ATM: variants seen among roughly 807,000 people sequenced by gnomAD.
The protein encoded by ATM is serine-protein kinase ATM.
ATM carries 308 observed loss-of-function variants against 387.0 expected under a neutral mutation model. The observed-to-expected ratio is 0.80, with a 90% confidence interval of 0.73 to 0.87. The LOEUF is 0.87. Ranked by LOEUF, ATM falls within the 40% of genes least tolerant of loss-of-function variation. The probability of loss-of-function intolerance (pLI) is 0.00; values close to 1 mark genes in which losing one functional copy is unlikely to be tolerated. For synonymous variants in ATM, 1,156 were observed against 1,187.3 expected (o/e 0.97, Z 0.54); for missense variants, 3,312 against 3,560.9 (o/e 0.93, Z 1.78).
At chr11:108,234,443 A>G (rs532880087) in intron 4 of ATM, among the ~76,000 whole-genome samples, 1 of 152,342 alleles carries the variant, frequency 6.6e-6, no homozygotes, top group East Asian at 1.9e-4. Context: ...TGATAATTAA[A>G]TTATTTTTAA....
chr11:108,368,961 A>G lies in ATM; in HGVS notation c.*3453A>G. 5.3e-6 allele frequency: 1 copy of G among 189,190 alleles called. No homozygotes were observed. The highest frequency in any genetic ancestry group is 1.1e-5 in the Non-Finnish European group (1 of 89,970). The allele number at this position is 189,190 out of a possible 1,614,324, so 11.7% of individuals were successfully genotyped here. A position where few individuals can be genotyped will look rare whatever the true frequency, so the allele number is the denominator to read the frequency against. Reference sequence around the variant, plus strand: ...CAGTATATTGGTTTGAAATATAGAGATGTGTCCCAATTTCAAGTATTTTAA... The same window carrying G: ...CAGTATATTGGTTTGAAATATAGAGGTGTGTCCCAATTTCAAGTATTTTAA... On this transcript the variant is annotated 3_prime_UTR_variant, in exon 63 of 63. Transcript: ENST00000675843.
chr11:108,361,621 C>T (rs919654323), intron 61 of ATM, among the ~76,000 whole-genome samples: 1 of 151,570 alleles, frequency 6.6e-6, no homozygotes, highest in African/African-American at 2.4e-5. Context: ...TGGAACAGAA[C>T]AGAGCCCTTA....
rs777164914 is a variant in ATM at position 108,326,147 on chromosome 11, C to T, written c.6897C>T (p.Phe2299=). Residue 2299 remains phenylalanine, a synonymous_variant, in exon 47 of 63, where the codon TTC becomes TTT. Coordinates refer to ENST00000675843, the MANE Select transcript of ATM (RefSeq NM_000051.4). ...SEWQLEEAQV[F]WAKKEQSLAL... ...GGCAGCTGGAAGAAGCACAAGTATTCTGGGCAAAAAAGGAGCAGAGTCTTG... is the reference window on the plus strand; with the variant it reads ...GGCAGCTGGAAGAAGCACAAGTATTTTGGGCAAAAAAGGAGCAGAGTCTTG... The T allele has an allele frequency of 2.0e-5, 33 of 1,613,946 alleles. No individual in the cohort carries two copies. The highest frequency in any genetic ancestry group is 2.7e-5 in the Non-Finnish European group (32 of 1,180,008).
At position 108,293,477 on chromosome 11, in the gene ATM, G is replaced by C. The variant is rs786202973; in HGVS notation, c.4776G>C (p.Glu1592Asp). The C allele has an allele frequency of 6.2e-7, 1 of 1,608,678 alleles. No individual in the cohort carries two copies. Among genetic ancestry groups the C allele is most frequent in the Non-Finnish European group, 8.5e-7 (1 of 1,176,144 alleles). Residue 1592 changes from glutamate to aspartate, a missense_variant and splice_region_variant, in exon 31 of 63, where the codon GAG (glutamate) becomes GAC (aspartate). This residue lies in a region of ATM where 1,405 missense variants were observed against 1,604.4 expected (regional missense o/e 0.88). Transcript: ENST00000675843. ...GTAGAGGACCCTTTTCACTCTTGGA[G>C]GTAATAAAAATTTCATCATCTACTA... is the stretch of plus-strand genomic sequence containing the variant. ...KYSRGPFSLLEEINHFLSVSV... is the reference protein window; with the variant it reads ...KYSRGPFSLLDEINHFLSVSV...
chr11:108,292,455 T>C (rs2082847020), intron 29 of ATM, among the ~76,000 whole-genome samples, 164 bp from the exon 30 acceptor site: 2 of 152,252 alleles, frequency 1.3e-5, no homozygotes, highest in Non-Finnish European at 2.9e-5. Context: ...ATTCTGCATT[T>C]TGCTGATGTG....
At chr11:108,256,009 A>G (rs1727829947) in intron 13 of ATM, among the ~76,000 whole-genome samples, 1 of 152,162 alleles carries the variant, frequency 6.6e-6, no homozygotes, top group Admixed American at 6.5e-5. Context: ...ATCAGGAGAT[A>G]CTTAGGCTAT....
chr11:108,279,635 G>A (rs1002487196), intron 23 of ATM, 27 bp downstream of exon 23: 4 of 1,514,226 alleles, frequency 2.6e-6, no homozygotes, highest in Non-Finnish European at 2.8e-6. Flanking sequence ...TGTATTTGCT[G>A]TTATCATATG....
In ATM at chr11:108,287,599, G is replaced by T. The variant is rs1057516238; in HGVS notation, c.3994-1G>T. 2 of 1,596,392 alleles carry T rather than the reference G, an allele frequency of 1.3e-6. No homozygotes were observed. The highest frequency in any genetic ancestry group is 1.7e-6 in the Non-Finnish European group (2 of 1,164,692). On this transcript the variant is annotated splice_acceptor_variant, in intron 26 of 62. Transcript: ENST00000675843. LOFTEE classifies it high-confidence loss of function. ...TATATTTTAATTTTGTGCCCTTGCA[G>T]ATTGATCACTTATTCATTAGTAATT...
At chr11:108,361,406 C>G (rs1591363594) in intron 61 of ATM, among the ~76,000 whole-genome samples, 1 of 151,780 alleles carries the variant, frequency 6.6e-6, no homozygotes, top group East Asian at 1.9e-4. Flanking sequence ...GCATCCCCAT[C>G]AAGCTACCAA....
In ATM at chr11:108,357,878, C is replaced by A. The variant is rs200143719; in HGVS notation, c.8850+3004C>A. The stretch of plus-strand genomic sequence containing the variant: ...AACAGAAAAACTGGAAACTCTAAAA[C>A]GCAGAGCACCTCTCCTCCTCCAAAG... On this transcript the variant is annotated intron_variant, in intron 61 of 62. Transcript: ENST00000675843. 2.3e-4 allele frequency among the ~76,000 whole-genome samples: 35 copies of A among 151,212 alleles called. No homozygotes were observed. In the East Asian group the frequency reaches 6.1e-3, roughly 26 times the overall value.
intron 40 of ATM, 73 bp from the exon 41 acceptor site, chr11:108,315,750 C>A: frequency 2.6e-6 from 3 of 1,140,828 alleles, no homozygotes; most frequent in South Asian, 2.5e-5. Flanking sequence ...GGTAATGATA[C>A]AATTTAAAAT....
intron 8 of ATM, among the ~76,000 whole-genome samples, chr11:108,247,391 C>T (rs1591512572): frequency 6.6e-6 from 1 of 152,166 alleles, no homozygotes; most frequent in East Asian, 1.9e-4. Flanking sequence ...GACCCTAACC[C>T]TAATGATTCG....
intron 16 of ATM, among the ~76,000 whole-genome samples, chr11:108,266,963 T>G (rs2081285596): frequency 6.6e-6 from 1 of 151,968 alleles, no homozygotes; most frequent in Admixed American, 6.6e-5. Context: ...ACCCAGCTAA[T>G]TTTTGTATTT....
chr11:108,249,783 TTAAGTG>T (rs1360923243), intron 9 of ATM, among the ~76,000 whole-genome samples: 1 of 152,226 alleles, frequency 6.6e-6, no homozygotes. Context: ...GATGGAATGT[TTAAGTG>T]TAAGTGACTT....
At chr11:108,319,750 G>A (rs549586859) in intron 43 of ATM, among the ~76,000 whole-genome samples, 40 of 152,278 alleles carry the variant, frequency 2.6e-4, no homozygotes, top group Admixed American at 7.2e-4. Context: ...ACCAGGCAGA[G>A]TATCTGAGTA....
At position 108,335,098 on chromosome 11, in the gene ATM, C is replaced by T. The variant is rs1060501695; in HGVS notation, c.8140C>T (p.Gln2714Ter). The change falls in exon 55 of 63, where the codon CAG becomes TAG. Residue 2714 changes from glutamine to a stop codon, truncating the protein, a stop_gained. Coordinates refer to ENST00000675843, the MANE Select transcript of ATM (RefSeq NM_000051.4). LOFTEE classifies it high-confidence loss of function. ...CVGSDGKERR[Q>*]LVKGRDDLRQ... Reference sequence around the variant, plus strand: ...AGGTTCCGATGGCAAGGAGAGGAGACAGCTTGTTAAGGTGAGCCTTCCCTT... The same window carrying T: ...AGGTTCCGATGGCAAGGAGAGGAGATAGCTTGTTAAGGTGAGCCTTCCCTT... The T allele has an allele frequency of 6.2e-7, 1 of 1,614,014 alleles. No homozygotes were observed. The highest frequency in any genetic ancestry group is 8.5e-7 in the Non-Finnish European group (1 of 1,179,962).
chr11:108,223,720 T>C (rs887035475), intron 1 of ATM: 2 of 152,194 alleles, frequency 1.3e-5, no homozygotes, highest in Admixed American at 1.3e-4. Context: ...GATGATAATG[T>C]ATGTGGTGAT....
rs2080310621 is a variant in ATM at position 108,253,964 on chromosome 11, C to A, written c.2049C>A (p.His683Gln). Reference sequence around the variant, plus strand: ...AGTCCAGTATTGGCTTCTCTGTCCACCAGAATCTCAAGGAATCACTGGATC... The same window carrying A: ...AGTCCAGTATTGGCTTCTCTGTCCAACAGAATCTCAAGGAATCACTGGATC... The part of the protein sequence containing the change: ...KHQSSIGFSV[H>Q]QNLKESLDRC... Residue 683 changes from histidine (H) to glutamine (Q), a missense_variant, in exon 13 of 63, where the codon CAC (histidine) becomes CAA (glutamine). By Grantham distance (24) the His-to-Gln change is conservative. Transcript: ENST00000675843. 1 of 1,614,028 alleles carries A rather than the reference C, an allele frequency of 6.2e-7. No homozygotes were observed. The highest frequency in any genetic ancestry group is 2.2e-5 in the East Asian group (1 of 44,846).
At chr11:108,327,047 C>T (rs1419956983) in intron 47 of ATM, among the ~76,000 whole-genome samples, 2 of 152,066 alleles carry the variant, frequency 1.3e-5, no homozygotes, top group African/African-American at 2.4e-5. Context: ...AGACTGGTCT[C>T]GAACTCCTGA....
Sources: allele counts gnomAD v4.1 joint callset (sites outside exome capture counted in the v4.1 genomes callset), GRCh38; gene constraint gnomAD v4.1.1; regional missense constraint gnomAD v4.1.1; transcripts MANE v1.5; gene names NCBI Gene and HGNC (gene_info 2026-07-23, HGNC 2026-07-21).